The following IPCEF1 variants were observed in gnomAD, a reference collection of about 807,000 sequenced individuals.
IPCEF1 encodes interaction protein for cytohesin exchange factors 1.
Under a neutral mutation model 50.9 loss-of-function variants are expected in IPCEF1, and 31 were observed. That is an observed-to-expected ratio of 0.61 (90% confidence interval 0.46 to 0.82). IPCEF1 has a LOEUF of 0.82. IPCEF1 is among the 40% of genes least tolerant of loss of function. The pLI, the probability that IPCEF1 is intolerant of heterozygous loss-of-function variation, is 0.00. For missense variants in IPCEF1, 458 were observed against 514.0 expected (o/e 0.89, Z 1.05); for synonymous variants, 181 against 192.0 (o/e 0.94, Z 0.47).
At chr6:154,305,706 G>A (rs900672444) in intron 1 of IPCEF1, among the ~76,000 whole-genome samples, 2 of 152,126 alleles carry the variant, frequency 1.3e-5, no homozygotes, top group East Asian at 3.9e-4. Context: ...CCTTCAATAC[G>A]GGTGGGCACC....
chr6:154,335,069 T>C (rs1783760569), intron 1 of IPCEF1, among the ~76,000 whole-genome samples: 1 of 152,116 alleles, frequency 6.6e-6, no homozygotes, highest in East Asian at 1.9e-4. Context: ...TCACAGTATT[T>C]TGGGAGGCCA....
intron 5 of IPCEF1, among the ~76,000 whole-genome samples, chr6:154,224,951 A>G (rs917100633): frequency 6.6e-6 from 1 of 152,202 alleles, no homozygotes; most frequent in African/African-American, 2.4e-5. Flanking sequence ...TACAATGCAC[A>G]GTGCTTCCTG....
At chr6:154,312,771 C>G (rs967462627) in intron 1 of IPCEF1, among the ~76,000 whole-genome samples, 1 of 151,866 alleles carries the variant, frequency 6.6e-6, no homozygotes. Context: ...TGAGTATTCT[C>G]ATGATCAAAA....
At chr6:154,257,337 C>A (rs1233750984) in intron 3 of IPCEF1, among the ~76,000 whole-genome samples, 1 of 152,152 alleles carries the variant, frequency 6.6e-6, no homozygotes, top group Non-Finnish European at 1.5e-5. Flanking sequence ...ATTTTTTACA[C>A]CCCTATCCCT....
intron 11 of IPCEF1, among the ~76,000 whole-genome samples, chr6:154,161,707 T>A (rs1799032832): frequency 2.0e-5 from 3 of 152,142 alleles, no homozygotes; most frequent in Admixed American, 1.3e-4. Flanking sequence ...TTCTAAAGCT[T>A]AAAGAAGATG....
At chr6:154,247,636 T>A (rs1781168457) in intron 3 of IPCEF1, 148 bp from the exon 4 acceptor site, 1 of 579,192 alleles carries the variant, frequency 1.7e-6, no homozygotes, top group Non-Finnish European at 3.1e-6. Context: ...GGGGAGCTAC[T>A]AGCTGAGGCA....
In IPCEF1 at chr6:154,199,871, C is replaced by T; in HGVS notation, c.707G>A (p.Gly236Glu). 6.2e-7 allele frequency: 1 copy of T among 1,614,164 alleles called. No individual in the cohort carries two copies. The highest frequency in any genetic ancestry group is 1.1e-5 in the South Asian group (1 of 91,080). ...VNSLSAAEDE[G>E]QPITFAVQVH... ...TTGCACAGCAAACGTTATTGGTTGT[C>T]CCTCATCTTCAGCAGCAGACAAACT... The change falls in exon 10 of 12, where the codon GGA becomes GAA. Residue 236 changes from glycine to glutamate, a missense_variant. Transcript: ENST00000367220.
intron 1 of IPCEF1, among the ~76,000 whole-genome samples, chr6:154,322,429 G>T (rs1783407642): frequency 6.6e-6 from 1 of 151,760 alleles, no homozygotes; most frequent in Non-Finnish European, 1.5e-5. Context: ...CAATGCAAAT[G>T]ATGTGCTATC....
At chr6:154,245,996 G>A (rs1454255103) in intron 5 of IPCEF1, among the ~76,000 whole-genome samples, 1 of 152,166 alleles carries the variant, frequency 6.6e-6, no homozygotes, top group African/African-American at 2.4e-5. Flanking sequence ...TGTTGTCTAA[G>A]CACGACTAGT....
chr6:154,184,334 T>A (rs866491127), intron 10 of IPCEF1, among the ~76,000 whole-genome samples: 34 of 152,158 alleles, frequency 2.2e-4, no homozygotes, highest in African/African-American at 7.7e-4. Flanking sequence ...TTTTGGAGAA[T>A]AAATAATACT....
chr6:154,249,532 T>G (rs1781285450), intron 3 of IPCEF1, among the ~76,000 whole-genome samples: 1 of 152,090 alleles, frequency 6.6e-6, no homozygotes, highest in African/African-American at 2.4e-5. Flanking sequence ...TAACAGTCAT[T>G]CCTAGAGTGC....
At chr6:154,241,430 C>G (rs1487619354) in intron 5 of IPCEF1, among the ~76,000 whole-genome samples, 2 of 151,954 alleles carry the variant, frequency 1.3e-5, no homozygotes, top group Admixed American at 6.6e-5. Flanking sequence ...CTAAAATACA[C>G]CAAAAAAGTA....
intron 1 of IPCEF1, among the ~76,000 whole-genome samples, chr6:154,350,101 G>T (rs1784096594): frequency 6.6e-6 from 1 of 152,082 alleles, no homozygotes. Flanking sequence ...TAAATTTATG[G>T]ATCAAAGTGA....
intron 10 of IPCEF1, among the ~76,000 whole-genome samples, chr6:154,192,632 C>T (rs1023400377): frequency 7.0e-6 from 1 of 141,948 alleles, no homozygotes; most frequent in Non-Finnish European, 1.5e-5. Flanking sequence ...GACCAATATC[C>T]AGAATCTACA....
At chr6:154,295,082 C>T (rs1470572466) in intron 1 of IPCEF1, among the ~76,000 whole-genome samples, 3 of 151,992 alleles carry the variant, frequency 2.0e-5, no homozygotes, top group South Asian at 4.2e-4. Context: ...CCTGTGGTCC[C>T]AGCTACTCGG....
chr6:154,304,534 A>G (rs1782882404), intron 1 of IPCEF1, among the ~76,000 whole-genome samples: 1 of 152,236 alleles, frequency 6.6e-6, no homozygotes, highest in African/African-American at 2.4e-5. Context: ...GAATAAATGA[A>G]TAAAAGAAGA....
intron 5 of IPCEF1, among the ~76,000 whole-genome samples, chr6:154,240,354 T>C (rs145550707): frequency 3.4e-4 from 52 of 152,332 alleles, no homozygotes; most frequent in African/African-American, 1.1e-3. Context: ...TATAATAAGC[T>C]ATGACTAATG....
At chr6:154,229,416 C>A (rs1317473162) in intron 5 of IPCEF1, among the ~76,000 whole-genome samples, 3 of 137,548 alleles carry the variant, frequency 2.2e-5, no homozygotes, top group Non-Finnish European at 4.5e-5. Flanking sequence ...GTGGCGCGAT[C>A]TTGGCTTACT....
chr6:154,326,746 C>CA lies in IPCEF1; in HGVS notation c.-62+29925dup, dbSNP rs1461361274. Among the ~76,000 whole-genome samples the CA allele has an allele frequency of 5.4e-4, 82 of 151,998 alleles. 1 individual carries two copies. The highest frequency in any genetic ancestry group is 5.4e-3 in the Admixed American group (82 of 15,252). Reference sequence around the variant, plus strand: ...ATTCACATGGAACCAAAAAAGAGCCCAAATAGCCAAGACAATCCTAAGCAA... The same window carrying CA: ...ATTCACATGGAACCAAAAAAGAGCCCAAAATAGCCAAGACAATCCTAAGCAA... On this transcript the variant is annotated intron_variant, in intron 1 of 11. Transcript: ENST00000367220.
Sources: allele counts gnomAD v4.1 joint callset (sites outside exome capture counted in the v4.1 genomes callset), GRCh38; gene constraint gnomAD v4.1.1; transcripts MANE v1.5; gene names NCBI Gene and HGNC (gene_info 2026-07-23, HGNC 2026-07-21).